SDK2: variants seen among roughly 807,000 people sequenced by gnomAD.
SDK2 encodes protein sidekick-2.
SDK2 carries 105 observed loss-of-function variants against 253.9 expected under a neutral mutation model. That is an observed-to-expected ratio of 0.41 (90% CI 0.35 to 0.49). SDK2 has a LOEUF of 0.49. Ranked by LOEUF, SDK2 falls within the 20% of genes least tolerant of loss-of-function variation. The probability of loss-of-function intolerance (pLI) is 0.06; values close to 1 mark genes in which losing one functional copy is unlikely to be tolerated. For missense variants in SDK2, 2,608 were observed against 3,003.0 expected, an observed-to-expected ratio of 0.87 and a Z score of 3.07; for synonymous variants, 1,249 against 1,234.9, an observed-to-expected ratio of 1.01 and a Z score of -0.24.
chr17:73,613,296 C>A (rs997250197), intron 1 of SDK2, among the ~76,000 whole-genome samples: 1 of 152,098 alleles, frequency 6.6e-6, no homozygotes, highest in African/African-American at 2.4e-5. Flanking sequence ...CTCCAAGCCC[C>A]GTCTCCCTGG....
chr17:73,540,272 T>G (rs1441215804), intron 1 of SDK2, among the ~76,000 whole-genome samples: 1 of 151,900 alleles, frequency 6.6e-6, no homozygotes, highest in African/African-American at 2.4e-5. Context: ...GGCAATAGAG[T>G]CTATTTCGGT....
At chr17:73,476,658 C>A (rs1005861077) in intron 2 of SDK2, among the ~76,000 whole-genome samples, 1 of 152,138 alleles carries the variant, frequency 6.6e-6, no homozygotes, top group African/African-American at 2.4e-5. Context: ...CATTTTGTCA[C>A]CCAGGCTGGA....
Position 73,643,923 on chromosome 17 carries a change from G to T in SDK2, c.64+102C>A. 9.7e-7 allele frequency: 1 copy of T among 1,029,712 alleles called. No homozygotes were observed. Among genetic ancestry groups the T allele is most frequent in the Non-Finnish European group, 1.5e-6 (1 of 686,388 alleles). The allele number at this position is 1,029,712 out of a possible 1,614,324, so 63.8% of individuals were successfully genotyped here. A position where few individuals can be genotyped will look rare whatever the true frequency, so the allele number is the denominator to read the frequency against. On this transcript the variant is annotated intron_variant, in intron 1 of 44. Coordinates refer to ENST00000392650, the MANE Select transcript of SDK2 (RefSeq NM_001144952.2). The surrounding 1 kb of genome is among the most constrained non-coding windows in gnomAD (Gnocchi z 6.9). ...GAGAGGGCTCTGCCACGGCTAAGCC[G>T]GGTGTCCAGGAGGTCACCGTGAGGC...
intron 40 of SDK2, 179 bp downstream of exon 40, chr17:73,357,899 TC>T: frequency 1.1e-6 from 1 of 927,386 alleles, no homozygotes; most frequent in African/African-American, 1.6e-5. Flanking sequence ...TAGCTAGGAG[TC>T]CAGCTCTAGG....
chr17:73,347,572 C>T (rs1222832682), intron 44 of SDK2, among the ~76,000 whole-genome samples: 1 of 152,212 alleles, frequency 6.6e-6, no homozygotes, highest in East Asian at 1.9e-4. Flanking sequence ...TGATCCCAGG[C>T]TTCCTGGCAC....
chr17:73,391,057 T>C (rs1174296188), intron 28 of SDK2, among the ~76,000 whole-genome samples: 1 of 152,164 alleles, frequency 6.6e-6, no homozygotes, highest in African/African-American at 2.4e-5. Flanking sequence ...AGATGAAGCT[T>C]CCCATCTGTA....
intron 21 of SDK2, among the ~76,000 whole-genome samples, chr17:73,400,611 G>A (rs967980331): frequency 1.1e-4 from 17 of 152,178 alleles, no homozygotes; most frequent in African/African-American, 3.9e-4. Context: ...GAAGGGGAGA[G>A]CCTGTGGGAA....
intron 2 of SDK2, among the ~76,000 whole-genome samples, chr17:73,493,037 C>T (rs2063817835): frequency 6.6e-6 from 1 of 152,192 alleles, no homozygotes; most frequent in Non-Finnish European, 1.5e-5. Context: ...GGGTCTCCAG[C>T]CCAGCTGTGT....
chr17:73,536,821 T>A (rs1157047093), intron 1 of SDK2, among the ~76,000 whole-genome samples: 1 of 152,156 alleles, frequency 6.6e-6, no homozygotes, highest in East Asian at 1.9e-4. Context: ...TGAAGGAGAC[T>A]GTAGCCCCGC....
chr17:73,609,092 G>A lies in SDK2; in HGVS notation c.64+34933C>T, dbSNP rs933333398. ...TGGCATTGACCTCAGTAAAGCCTGGGAAGGCCGCTGGAGGAAAGCCTTTTT... is the reference window on the plus strand; with the variant it reads ...TGGCATTGACCTCAGTAAAGCCTGGAAAGGCCGCTGGAGGAAAGCCTTTTT... On this transcript the variant is annotated intron_variant, in intron 1 of 44. Transcript: ENST00000392650. This position sits in a 1 kb window ranked among gnomAD's most constrained non-coding sequence, Gnocchi z 4.4. 1.2e-4 allele frequency among the ~76,000 whole-genome samples: 19 copies of A among 152,328 alleles called. No homozygotes were observed. The highest frequency in any genetic ancestry group is 3.4e-3 in the Middle Eastern group (1 of 294).
intron 5 of SDK2, among the ~76,000 whole-genome samples, chr17:73,446,964 G>A (rs941070684): frequency 2.6e-5 from 4 of 152,180 alleles, no homozygotes; most frequent in East Asian, 1.9e-4. Context: ...CTTCAGTCTC[G>A]GCTGGACAAG....
chr17:73,418,587 A>G (rs1338534099), intron 16 of SDK2, among the ~76,000 whole-genome samples: 1 of 152,216 alleles, frequency 6.6e-6, no homozygotes, highest in African/African-American at 2.4e-5. Flanking sequence ...AGAATCTAGA[A>G]TATCAATGAG....
chr17:73,553,246 C>T (rs918638660), intron 1 of SDK2, among the ~76,000 whole-genome samples: 3 of 152,034 alleles, frequency 2.0e-5, no homozygotes, highest in South Asian at 2.1e-4. Flanking sequence ...CCACGGGGGG[C>T]CAGTGGTGGG....
At chr17:73,602,724 T>TTTGTTG (rs563554447) in intron 1 of SDK2, among the ~76,000 whole-genome samples, 1 of 151,526 alleles carries the variant, frequency 6.6e-6, no homozygotes, top group Non-Finnish European at 1.5e-5. Context: ...CTGGCGCTAT[T>TTTGTTG]TTGTTGTTGT....
At chr17:73,479,760 G>A (rs1295845919) in intron 2 of SDK2, among the ~76,000 whole-genome samples, 2 of 152,074 alleles carry the variant, frequency 1.3e-5, no homozygotes, top group African/African-American at 2.4e-5. Flanking sequence ...GCACAATCTC[G>A]GCTCACTGCA....
chr17:73,398,340 G>C lies in SDK2; in HGVS notation c.3183C>G (p.Leu1061=). ...ATTACCTGTAGCAGGTGAAGGGGTTGAGGTCGGGCACCTCCATGGAGCGGG... is the reference window on the plus strand; with the variant it reads ...ATTACCTGTAGCAGGTGAAGGGGTTCAGGTCGGGCACCTCCATGGAGCGGG... ...PDARSMEVPD[L]NPFTCYSFRM... The change falls in exon 23 of 45, where the codon CTC becomes CTG. Residue 1061 remains leucine (L), a synonymous_variant. Coordinates refer to ENST00000392650, the MANE Select transcript of SDK2 (RefSeq NM_001144952.2). 2 of 1,613,948 alleles carry C rather than the reference G, an allele frequency of 1.2e-6. No individual in the cohort carries two copies. The highest frequency in any genetic ancestry group is 1.7e-6 in the Non-Finnish European group (2 of 1,179,862).
rs146555943 is a variant in SDK2, at chr17:73,479,280, T to A, written c.225-7062A>T. 2.5e-3 allele frequency among the ~76,000 whole-genome samples: 378 copies of A among 152,256 alleles called. 3 individuals carry two copies. Among genetic ancestry groups the A allele is most frequent in the African/African-American group, 8.3e-3 (344 of 41,540 alleles). On this transcript the variant is annotated intron_variant, in intron 2 of 44. Coordinates refer to ENST00000392650, the MANE Select transcript of SDK2 (RefSeq NM_001144952.2). ...TCGGGAACCCAGATTTCCTTCCCTC[T>A]CCCCATGGACTTTTGGGCAGCAGGC...
At chr17:73,509,582 G>C (rs1274158248) in intron 1 of SDK2, among the ~76,000 whole-genome samples, 2 of 149,402 alleles carry the variant, frequency 1.3e-5, no homozygotes, top group East Asian at 4.0e-4. Context: ...TTGAGGCCAG[G>C]AGTTCAATAC....
At chr17:73,356,868 A>G (rs1568363741) in intron 40 of SDK2, among the ~76,000 whole-genome samples, 1 of 152,244 alleles carries the variant, frequency 6.6e-6, no homozygotes, top group Non-Finnish European at 1.5e-5. Flanking sequence ...CCAGAGTCCC[A>G]CGCTGGGCCT....
Sources: allele counts gnomAD v4.1 joint callset (sites outside exome capture counted in the v4.1 genomes callset), GRCh38; gene constraint gnomAD v4.1.1; non-coding constraint Gnocchi (gnomAD v3.1); transcripts MANE v1.5; gene names NCBI Gene and HGNC (gene_info 2026-07-23, HGNC 2026-07-21).